Variants in MMS22L observed in about 807,000 individuals in gnomAD.
MMS22L encodes the protein protein MMS22-like.
A neutral mutation model predicts 159.1 loss-of-function variants in MMS22L; 74 were observed. The ratio of observed to expected loss-of-function variants is 0.47; its 90% confidence interval spans 0.39 to 0.56. The LOEUF (loss-of-function observed/expected upper bound fraction) is 0.56. MMS22L is among the 20% of genes least tolerant of loss of function. The pLI is 0.00. For synonymous variants in MMS22L, 517 were observed against 506.9 expected, an observed-to-expected ratio of 1.02 and a Z score of -0.27; for missense variants, 1,351 against 1,422.1, an observed-to-expected ratio of 0.95 and a Z score of 0.80.
intron 14 of MMS22L, among the ~76,000 whole-genome samples, chr6:97,220,295 TG>T (rs1185891416): frequency 6.6e-6 from 1 of 152,178 alleles, no homozygotes; most frequent in Middle Eastern, 3.2e-3. Context: ...AAGAAGACTG[TG>T]GATGGCTTTA....
intron 18 of MMS22L, among the ~76,000 whole-genome samples, chr6:97,174,996 C>T (rs1803977997): frequency 6.6e-6 from 1 of 152,126 alleles, no homozygotes; most frequent in Non-Finnish European, 1.5e-5. Flanking sequence ...CACTTCTTTC[C>T]CTTGACTAGA....
chr6:97,240,509 A>G (rs1300966486), intron 11 of MMS22L, among the ~76,000 whole-genome samples: 1 of 152,118 alleles, frequency 6.6e-6, no homozygotes, highest in Non-Finnish European at 1.5e-5. Flanking sequence ...TTTTCCCCAC[A>G]ACCAATAGTC....
chr6:97,187,577 A>AT (rs916183540), intron 14 of MMS22L, among the ~76,000 whole-genome samples: 21 of 151,150 alleles, frequency 1.4e-4, no homozygotes, highest in East Asian at 5.8e-4. Context: ...TTACATTTGC[A>AT]TTTTTTTTTC....
intron 11 of MMS22L, among the ~76,000 whole-genome samples, chr6:97,235,146 C>T (rs1008954140): frequency 3.3e-5 from 5 of 152,042 alleles, no homozygotes; most frequent in Non-Finnish European, 7.3e-5. Context: ...AGGTAGGAGG[C>T]GACTGTGCGA....
intron 3 of MMS22L, 65 bp downstream of exon 3, chr6:97,281,172 C>T: frequency 1.3e-6 from 2 of 1,490,044 alleles, no homozygotes; most frequent in South Asian, 2.7e-5. Context: ...TAGAAGCCAC[C>T]CAACAACGTA....
intron 15 of MMS22L, 141 bp downstream of exon 15, chr6:97,186,356 A>G (rs1454434267): frequency 3.5e-6 from 2 of 571,484 alleles, no homozygotes; most frequent in East Asian, 6.6e-5. Flanking sequence ...AAGGATCCCA[A>G]TTTATTAATA....
At chr6:97,158,193 A>G (rs1802057754) in intron 22 of MMS22L, among the ~76,000 whole-genome samples, 1 of 151,800 alleles carries the variant, frequency 6.6e-6, no homozygotes, top group African/African-American at 2.4e-5. Flanking sequence ...TATTGCATCT[A>G]TTTGATTCTT....
chr6:97,206,529 T>G (rs1807805362), intron 14 of MMS22L, among the ~76,000 whole-genome samples: 1 of 152,162 alleles, frequency 6.6e-6, no homozygotes, highest in African/African-American at 2.4e-5. Context: ...AATTCTGTTT[T>G]ATGTTCTTAT....
At chr6:97,230,096 TTTTG>T (rs1810695141) in intron 13 of MMS22L, among the ~76,000 whole-genome samples, 1 of 151,880 alleles carries the variant, frequency 6.6e-6, no homozygotes, top group Non-Finnish European at 1.5e-5. Flanking sequence ...GTTGTTGGTT[TTTTG>T]TTTTTTGTTT....
chr6:97,158,715 AGT>A (rs1387957115), intron 22 of MMS22L, among the ~76,000 whole-genome samples: 2 of 152,074 alleles, frequency 1.3e-5, no homozygotes, highest in Non-Finnish European at 2.9e-5. Flanking sequence ...TTTGCTGAGG[AGT>A]GTTTTACTTC....
chr6:97,153,364 CTTTTTTTT>C lies in MMS22L; in HGVS notation c.3386-1505_3386-1498del, dbSNP rs59258093. 1.4e-4 allele frequency among the ~76,000 whole-genome samples: 11 copies of C among 78,078 alleles called. No homozygotes were observed. The South Asian group carries it at 1.6e-3, about 11-fold the overall frequency. 51.2% of individuals were successfully genotyped at this position (78,078 alleles called of 152,430 possible). A position where few individuals can be genotyped will look rare whatever the true frequency, so the allele number is the denominator to read the frequency against. ...TAACCTACTTTCTGTCTCTACAGAT[CTTTTTTTT>C]TTTTTTTTTTTTTTTTTGAGACGGA... is the stretch of plus-strand genomic sequence containing the variant. On this transcript the variant is annotated intron_variant, in intron 22 of 24. Coordinates refer to ENST00000683635, the MANE Select transcript of MMS22L (RefSeq NM_001350599.2).
chr6:97,161,154 G>A lies in MMS22L; in HGVS notation c.3385+848C>T, dbSNP rs539585771. Among the ~76,000 whole-genome samples the A allele has an allele frequency of 2.6e-5, 4 of 151,926 alleles. No homozygotes were observed. The South Asian group carries it at 6.2e-4, about 24-fold the overall frequency. The stretch of plus-strand genomic sequence containing the variant: ...TCCTGTAATTTTTTGGTGAAAATTG[G>A]GCTTTTTAAATAATGAAGTCCACTC... On this transcript the variant is annotated intron_variant, in intron 22 of 24. Coordinates refer to ENST00000683635, the MANE Select transcript of MMS22L (RefSeq NM_001350599.2).
chr6:97,164,837 T>C (rs960048030), intron 21 of MMS22L, among the ~76,000 whole-genome samples: 1 of 152,096 alleles, frequency 6.6e-6, no homozygotes, highest in Non-Finnish European at 1.5e-5. Flanking sequence ...CAGGCTGGTC[T>C]CGAACTCCTG....
chr6:97,252,660 A>G lies in MMS22L; in HGVS notation c.1119+1897T>C, dbSNP rs567629641. ...ACTCCATCTCAAAAAAAAAAAAAAA[A>G]AGTAGTACAATCTATTTCATGTGTA... On this transcript the variant is annotated intron_variant, in intron 10 of 24. Coordinates refer to ENST00000683635, the MANE Select transcript of MMS22L (RefSeq NM_001350599.2). Among the ~76,000 whole-genome samples, 46 of 152,048 alleles carry G rather than the reference A, an allele frequency of 3.0e-4. 1 individual carries two copies. In the East Asian group the frequency reaches 8.5e-3, roughly 28 times the overall value.
intron 14 of MMS22L, among the ~76,000 whole-genome samples, chr6:97,220,970 AC>A (rs1809573696): frequency 2.7e-5 from 1 of 36,860 alleles, no homozygotes; most frequent in Non-Finnish European, 1.1e-4. Flanking sequence ...ACACACACAC[AC>A]ACACACACAC....
chr6:97,159,179 C>T (rs1802171887), intron 22 of MMS22L, among the ~76,000 whole-genome samples: 1 of 151,308 alleles, frequency 6.6e-6, no homozygotes, highest in Admixed American at 6.6e-5. Context: ...TCCTTAATCC[C>T]TTTATTTTGA....
chr6:97,156,418 C>A (rs1801852564), intron 22 of MMS22L, among the ~76,000 whole-genome samples: 1 of 152,164 alleles, frequency 6.6e-6, no homozygotes, highest in African/African-American at 2.4e-5. Flanking sequence ...ATGATACTGC[C>A]TAGATTTTAT....
chr6:97,244,117 A>T (rs1018356375), intron 11 of MMS22L, among the ~76,000 whole-genome samples: 1 of 152,172 alleles, frequency 6.6e-6, no homozygotes, highest in Non-Finnish European at 1.5e-5. Context: ...CAGGTAATGA[A>T]ATTAGATGTT....
At chr6:97,172,766 T>G (rs1562415644) in intron 19 of MMS22L, among the ~76,000 whole-genome samples, 1 of 152,194 alleles carries the variant, frequency 6.6e-6, no homozygotes, top group South Asian at 2.1e-4. Context: ...ATTCTAGTTA[T>G]TCAGGTATTG....
Sources: gnomAD v4.1 joint callset for allele counts (sites outside exome capture counted in the v4.1 genomes callset) on GRCh38, gnomAD v4.1.1 for gene constraint, MANE v1.5 for transcripts, NCBI Gene and HGNC (gene_info 2026-07-23, HGNC 2026-07-21) for gene names.